Variants in OPCML observed in about 807,000 individuals in gnomAD.
The protein encoded by OPCML is opioid binding protein/cell adhesion molecule like.
OPCML carries 13 observed loss-of-function variants against 37.8 expected under a neutral mutation model. That is an observed-to-expected ratio of 0.34 (90% CI 0.22 to 0.55). The LOEUF (loss-of-function observed/expected upper bound fraction) is 0.55. Ranked by LOEUF, OPCML falls within the 20% of genes least tolerant of loss-of-function variation. OPCML has a pLI of 0.91. For missense variants in OPCML, 341 were observed against 435.6 expected (o/e 0.78, Z 1.93); for synonymous variants, 176 against 168.8 (o/e 1.04, Z -0.33).
intron 2 of OPCML, among the ~76,000 whole-genome samples, chr11:132,940,371 C>T (rs892458781): frequency 1.9e-4 from 29 of 152,180 alleles, no homozygotes; most frequent in African/African-American, 7.0e-4. Flanking sequence ...GTGTGATGGG[C>T]ATGGGTATCA....
At chr11:132,564,701 T>C (rs752010375) in intron 3 of OPCML, among the ~76,000 whole-genome samples, 7 of 152,132 alleles carry the variant, frequency 4.6e-5, no homozygotes, top group Non-Finnish European at 8.8e-5. Flanking sequence ...CCTGTGTGCA[T>C]GCATTATGCA....
At chr11:133,310,154 G>C (rs765039146) in intron 1 of OPCML, among the ~76,000 whole-genome samples, 1 of 152,150 alleles carries the variant, frequency 6.6e-6, no homozygotes, top group Non-Finnish European at 1.5e-5. Context: ...ACTCTTGTTC[G>C]CACAAATCTG....
chr11:132,716,825 T>A (rs940183896), intron 2 of OPCML, among the ~76,000 whole-genome samples: 24 of 152,052 alleles, frequency 1.6e-4, no homozygotes, highest in Non-Finnish European at 2.6e-4. Flanking sequence ...ACCAGGTGAG[T>A]CTCTTATAAA....
chr11:132,674,941 T>TTG (rs1183621660), intron 2 of OPCML, among the ~76,000 whole-genome samples: 2 of 152,166 alleles, frequency 1.3e-5, no homozygotes, highest in African/African-American at 4.8e-5. Flanking sequence ...TTATGTCATT[T>TTG]TGTGAATAAG....
At chr11:133,165,225 T>C (rs956354363) in intron 1 of OPCML, among the ~76,000 whole-genome samples, 2 of 152,146 alleles carry the variant, frequency 1.3e-5, no homozygotes, top group African/African-American at 4.8e-5. Flanking sequence ...ATGGTCTGTC[T>C]CTCCAGTCGC....
At chr11:132,735,628 C>A (rs1945229660) in intron 2 of OPCML, among the ~76,000 whole-genome samples, 1 of 152,070 alleles carries the variant, frequency 6.6e-6, no homozygotes, top group South Asian at 2.1e-4. Context: ...GGACTACAGG[C>A]ACCCACCACT....
chr11:132,462,930 G>A (rs920804882), intron 4 of OPCML, among the ~76,000 whole-genome samples: 4 of 152,190 alleles, frequency 2.6e-5, no homozygotes, highest in Admixed American at 6.5e-5. Flanking sequence ...GGGGGAAAGA[G>A]GGTCCAGAGT....
At chr11:132,880,266 C>T (rs967631609) in intron 2 of OPCML, among the ~76,000 whole-genome samples, 2 of 152,198 alleles carry the variant, frequency 1.3e-5, no homozygotes, top group Admixed American at 6.5e-5. Context: ...TCACAAACGT[C>T]TGCCATGCTG....
At chr11:132,991,455 A>G (rs1189882203) in intron 1 of OPCML, among the ~76,000 whole-genome samples, 2 of 152,230 alleles carry the variant, frequency 1.3e-5, no homozygotes, top group Non-Finnish European at 2.9e-5. Context: ...GTATAATGCA[A>G]CTAATGTCTT....
At chr11:132,554,873 T>TTG (rs1233753690) in intron 3 of OPCML, among the ~76,000 whole-genome samples, 40 of 131,348 alleles carry the variant, frequency 3.0e-4, no homozygotes, top group Non-Finnish European at 5.6e-4. Context: ...GTTTTTTTTT[T>TTG]TTTTTTTTTT....
intron 1 of OPCML, among the ~76,000 whole-genome samples, chr11:132,954,152 G>GT (rs1427451278): frequency 7.7e-6 from 1 of 130,266 alleles, no homozygotes; most frequent in African/African-American, 2.8e-5. Flanking sequence ...TGTTTGTTTT[G>GT]TTTTTTGTTT....
chr11:133,356,771 C>T (rs993133732), intron 1 of OPCML, among the ~76,000 whole-genome samples: 1 of 152,158 alleles, frequency 6.6e-6, no homozygotes, highest in African/African-American at 2.4e-5. Flanking sequence ...GTGGCAGGAA[C>T]AGGACATATA....
At chr11:132,750,885 C>T (rs1320628718) in intron 2 of OPCML, among the ~76,000 whole-genome samples, 1 of 151,878 alleles carries the variant, frequency 6.6e-6, no homozygotes, top group Admixed American at 6.6e-5. Flanking sequence ...CCACCAAAGG[C>T]ATTCCAGGTC....
intron 1 of OPCML, among the ~76,000 whole-genome samples, chr11:133,467,096 TC>T (rs1464654331): frequency 1.3e-5 from 2 of 152,230 alleles, no homozygotes; most frequent in Non-Finnish European, 2.9e-5. Context: ...CCCACTGCTC[TC>T]CTGATGAAGT....
chr11:133,064,901 A>G (rs1948415527), intron 1 of OPCML: 1 of 152,246 alleles, frequency 6.6e-6, no homozygotes, highest in Admixed American at 6.5e-5. Context: ...CACCAGGTAG[A>G]CAGGACACAT....
chr11:132,852,004 C>T (rs1187033012), intron 2 of OPCML, among the ~76,000 whole-genome samples: 3 of 152,210 alleles, frequency 2.0e-5, no homozygotes, highest in Non-Finnish European at 4.4e-5. Flanking sequence ...CTGACCTTCC[C>T]TTTTCTTCCT....
intron 3 of OPCML, among the ~76,000 whole-genome samples, chr11:132,579,585 A>G (rs955349322): frequency 5.9e-5 from 9 of 152,122 alleles, no homozygotes; most frequent in Admixed American, 4.6e-4. Flanking sequence ...TCTCCTGCTC[A>G]TGGTTTCAGG....
intron 4 of OPCML, among the ~76,000 whole-genome samples, chr11:132,476,699 G>T (rs2096157301): frequency 6.6e-6 from 1 of 151,902 alleles, no homozygotes; most frequent in Non-Finnish European, 1.5e-5. Flanking sequence ...TTGGGGTGGA[G>T]GGAGCAGGGA....
At position 132,418,839 on chromosome 11, in the gene OPCML, G is replaced by C. The variant is rs1221846593; in HGVS notation, c.*1354C>G. ...GTTCCTGACATGTACTTTCTTGAAG[G>C]GTTGAGAGAAGCATAAAGGCTGGCA... is the stretch of plus-strand genomic sequence containing the variant. On this transcript the variant is annotated 3_prime_UTR_variant, in exon 8 of 8. Transcript: ENST00000524381. 6.6e-6 allele frequency: 1 copy of C among 152,608 alleles called. No homozygotes were observed. The highest frequency in any genetic ancestry group is 1.5e-5 in the Non-Finnish European group (1 of 68,032). The allele number at this position is 152,608 out of a possible 1,614,324, so 9.5% of individuals were successfully genotyped here. A position where few individuals can be genotyped will look rare whatever the true frequency, so the allele number is the denominator to read the frequency against.
Sources: gnomAD v4.1 joint callset for allele counts (sites outside exome capture counted in the v4.1 genomes callset) on GRCh38, gnomAD v4.1.1 for gene constraint, MANE v1.5 for transcripts, NCBI Gene and HGNC (gene_info 2026-07-23, HGNC 2026-07-21) for gene names.